LARP1: variants seen among roughly 807,000 people sequenced by gnomAD.
LARP1 encodes the protein La ribonucleoprotein 1, translational regulator, also known as la-related protein 1.
In LARP1, 36 loss-of-function variants were observed where a neutral mutation model predicts 122.7. The observed-to-expected ratio is 0.29, with a 90% CI of 0.22 to 0.39. The LOEUF (loss-of-function observed/expected upper bound fraction) is 0.39. LARP1 is among the 10% of genes least tolerant of loss of function. The pLI is 1.00. For synonymous variants in LARP1, 539 were observed against 528.7 expected (o/e 1.02, Z -0.27); for missense variants, 1,040 against 1,403.6 (o/e 0.74, Z 4.14).
At chr5:154,730,851 G>A (rs1432539512) in intron 1 of LARP1, among the ~76,000 whole-genome samples, 1 of 148,408 alleles carries the variant, frequency 6.7e-6, no homozygotes, top group Non-Finnish European at 1.5e-5. Context: ...CTACGGGTAA[G>A]CACCATTCTG....
At chr5:154,741,233 G>T (rs1752867045) in intron 1 of LARP1, among the ~76,000 whole-genome samples, 1 of 152,198 alleles carries the variant, frequency 6.6e-6, no homozygotes, top group African/African-American at 2.4e-5. Context: ...AGAACGCCAA[G>T]GGCTCTCAGT....
At position 154,790,691 on chromosome 5, in the gene LARP1, T is replaced by G; in HGVS notation, c.545T>G (p.Ile182Arg). 2 of 1,614,216 alleles carry G rather than the reference T, an allele frequency of 1.2e-6. No individual in the cohort carries two copies. Among genetic ancestry groups the G allele is most frequent in the Non-Finnish European group, 1.7e-6 (2 of 1,180,028 alleles). The change falls in exon 3 of 19, where the codon ATA becomes AGA. Residue 182 changes from isoleucine (I) to arginine (R), a missense_variant. Physicochemically the swap from Ile to Arg is moderately conservative, Grantham distance 97. Coordinates refer to ENST00000518297, the MANE Select transcript of LARP1 (RefSeq NM_033551.3). ...ATCAATTGGCCCACACCTGGAGAGATAGCCCACAAGAGTGTTCAGGTGAGT... is the reference window on the plus strand; with the variant it reads ...ATCAATTGGCCCACACCTGGAGAGAGAGCCCACAAGAGTGTTCAGGTGAGT... Reference protein sequence around the residue: ...DAINWPTPGEIAHKSVQPQSH... With the variant: ...DAINWPTPGERAHKSVQPQSH...
At chr5:154,718,092 T>A (rs529602857) in intron 1 of LARP1, among the ~76,000 whole-genome samples, 2 of 146,990 alleles carry the variant, frequency 1.4e-5, no homozygotes, top group Admixed American at 6.8e-5. Flanking sequence ...TAACTTAAAA[T>A]TTTTTTTTTT....
intron 18 of LARP1, among the ~76,000 whole-genome samples, chr5:154,813,054 C>T (rs1759417428): frequency 6.6e-6 from 1 of 151,448 alleles, no homozygotes; most frequent in Non-Finnish European, 1.5e-5. Flanking sequence ...AGGTACTTTA[C>T]ATTGACCTTA....
At chr5:154,713,342 C>T (rs1437349070) in intron 1 of LARP1, among the ~76,000 whole-genome samples, 6 of 152,158 alleles carry the variant, frequency 3.9e-5, no homozygotes, top group Non-Finnish European at 7.3e-5. Flanking sequence ...TATTGTTTTC[C>T]CTTGTCACAC....
chr5:154,756,840 G>C (rs1244935639), intron 1 of LARP1, among the ~76,000 whole-genome samples: 1 of 152,102 alleles, frequency 6.6e-6, no homozygotes, highest in Non-Finnish European at 1.5e-5. Context: ...CCGATCCCGG[G>C]CACCTTCCGC....
upstream of LARP1, among the ~76,000 whole-genome samples, chr5:154,709,376 T>G (rs533483114): frequency 6.6e-6 from 1 of 152,314 alleles, no homozygotes; most frequent in African/African-American, 2.4e-5. Flanking sequence ...CTCCATGTGG[T>G]GAAGCAGTTT....
chr5:154,776,754 G>GT (rs1332165661), intron 1 of LARP1, among the ~76,000 whole-genome samples: 5 of 152,190 alleles, frequency 3.3e-5, no homozygotes, highest in Admixed American at 2.0e-4. Flanking sequence ...CACAGAAGTG[G>GT]TATTGCAAGC....
rs541573032 is a variant in LARP1 at position 154,794,088 on chromosome 5, T to A, written c.1070-12T>A. 6.2e-7 allele frequency: 1 copy of A among 1,614,040 alleles called. No homozygotes were observed. The highest frequency in any genetic ancestry group is 1.3e-5 in the African/African-American group (1 of 75,034). On this transcript the variant is annotated splice_polypyrimidine_tract_variant and intron_variant, in intron 6 of 18. Coordinates refer to ENST00000518297, the MANE Select transcript of LARP1 (RefSeq NM_033551.3). Reference sequence around the variant, plus strand: ...AATCTCCTCTCCCTCATGGCACCCGTTTCCCCCATAGCCCATTTTGACTAC... The same window carrying A: ...AATCTCCTCTCCCTCATGGCACCCGATTCCCCCATAGCCCATTTTGACTAC...
At chr5:154,786,999 C>T (rs1756944381) in intron 1 of LARP1, among the ~76,000 whole-genome samples, 1 of 152,070 alleles carries the variant, frequency 6.6e-6, no homozygotes, top group Non-Finnish European at 1.5e-5. Context: ...CCCACCTCAG[C>T]CTCCCAAGTA....
chr5:154,774,585 A>G (rs1755711625), intron 1 of LARP1, among the ~76,000 whole-genome samples: 1 of 152,176 alleles, frequency 6.6e-6, no homozygotes, highest in Admixed American at 6.5e-5. Flanking sequence ...CTTTGGGAAG[A>G]CTTAATCTCT....
In LARP1 at chr5:154,814,141, G is replaced by C; in HGVS notation, c.*45G>C. On this transcript the variant is annotated 3_prime_UTR_variant, in exon 19 of 19. Transcript: ENST00000518297. ...GCTTGAGGGGGGAAAGGGGTAGGGT[G>C]GGTAAGAGTCCATGGGGGTGCCCAG... 6.3e-7 allele frequency: 1 copy of C among 1,590,478 alleles called. No individual in the cohort carries two copies. The highest frequency in any genetic ancestry group is 8.6e-7 in the Non-Finnish European group (1 of 1,163,276).
intron 1 of LARP1, among the ~76,000 whole-genome samples, chr5:154,687,814 T>A (rs13175411): frequency 3.4e-4 from 52 of 152,046 alleles, no homozygotes; most frequent in Admixed American, 1.2e-3. Flanking sequence ...ACAAAAAAAA[T>A]TTTTTAATTA....
intron 1 of LARP1, among the ~76,000 whole-genome samples, chr5:154,781,485 C>T (rs1372116066): frequency 6.6e-6 from 1 of 151,840 alleles, no homozygotes; most frequent in Non-Finnish European, 1.5e-5. Flanking sequence ...CCCAGCTACT[C>T]GGGAGGCTGA....
intron 1 of LARP1, among the ~76,000 whole-genome samples, chr5:154,764,672 A>G (rs2113619272): frequency 6.7e-6 from 1 of 149,796 alleles, no homozygotes; most frequent in East Asian, 2.0e-4. Context: ...TGGGAGGCCG[A>G]GGCGGGAGGG....
At chr5:154,804,633 A>G (rs1433775737) in intron 14 of LARP1, 1 of 393,798 alleles carries the variant, frequency 2.5e-6, no homozygotes, top group Non-Finnish European at 4.8e-6. Context: ...GATTTCTGGC[A>G]GTCTCTCTGA....
intron 1 of LARP1, among the ~76,000 whole-genome samples, chr5:154,761,746 G>GA (rs899845027): frequency 6.6e-6 from 1 of 152,148 alleles, no homozygotes; most frequent in Non-Finnish European, 1.5e-5. Flanking sequence ...GAAAACATGG[G>GA]AAACAGCACA....
At chr5:154,710,342 T>G (rs768991954), upstream of LARP1, among the ~76,000 whole-genome samples, 3 of 152,164 alleles carry the variant, frequency 2.0e-5, no homozygotes, top group Non-Finnish European at 4.4e-5. Flanking sequence ...CCAGGCACAG[T>G]GGCTTATGCC....
At chr5:154,739,114 C>G (rs1757077263) in intron 1 of LARP1, among the ~76,000 whole-genome samples, 1 of 152,134 alleles carries the variant, frequency 6.6e-6, no homozygotes. Context: ...CTCCCGGGTT[C>G]AAGCAATTCT....
Sources: allele counts gnomAD v4.1 joint callset (sites outside exome capture counted in the v4.1 genomes callset), GRCh38; gene constraint gnomAD v4.1.1; transcripts MANE v1.5; gene names NCBI Gene and HGNC (gene_info 2026-07-23, HGNC 2026-07-21).